The following ZNF592 variants were observed in gnomAD, a reference collection of about 807,000 sequenced individuals.
The protein encoded by ZNF592 is spinocerebellar ataxia, autosomal recessive 5.
Under a neutral mutation model 80.3 loss-of-function variants are expected in ZNF592, and 11 were observed. The ratio of observed to expected loss-of-function variants is 0.14; its 90% CI spans 0.09 to 0.23. The LOEUF (loss-of-function observed/expected upper bound fraction) is 0.23. Among genes scored for constraint, ZNF592 ranks in the 10% least tolerant of loss-of-function variants. The probability of loss-of-function intolerance (pLI) is 1.00; values close to 1 mark genes in which losing one functional copy is unlikely to be tolerated. For synonymous variants in ZNF592, 646 were observed against 640.3 expected (o/e 1.01, Z -0.13); for missense variants, 1,420 against 1,633.9 (o/e 0.87, Z 2.26).
At chr15:84,748,854 C>A (rs1438496578) in intron 1 of ZNF592, among the ~76,000 whole-genome samples, 190 bp downstream of exon 1, 6 of 147,586 alleles carry the variant, frequency 4.1e-5, no homozygotes, top group Non-Finnish European at 9.1e-5. Flanking sequence ...GGGCCCGGGC[C>A]GCCACCCCAC....
At chr15:84,797,788 A>T (rs1962959825) in intron 5 of ZNF592, 81 bp from the exon 6 acceptor site, 1 of 1,508,280 alleles carries the variant, frequency 6.6e-7, no homozygotes, top group Non-Finnish European at 9.2e-7. Context: ...CCTCTTCTCC[A>T]TCCCTCCTCT....
chr15:84,802,414 A>C lies in ZNF592; in HGVS notation c.*21A>C. 6.2e-7 allele frequency: 1 copy of C among 1,612,716 alleles called. No individual in the cohort carries two copies. Among genetic ancestry groups the C allele is most frequent in the East Asian group, 2.2e-5 (1 of 44,858 alleles). ...TGTGACCGGAGACTTTGCAGTGTGC[A>C]TGGTCAGGGGTGGTGCCGAAGTGTC... On this transcript the variant is annotated 3_prime_UTR_variant, in exon 11 of 11. Coordinates refer to ENST00000560079, the MANE Select transcript of ZNF592 (RefSeq NM_014630.3).
In ZNF592 at chr15:84,773,247, T is replaced by A. The variant is rs1472206054; in HGVS notation, c.-149-4936T>A. Among the ~76,000 whole-genome samples the A allele has an allele frequency of 2.0e-5, 3 of 148,494 alleles. No homozygotes were observed. The East Asian group carries it at 6.0e-4, about 30-fold the overall frequency. ...TTTTTTTTGAGACGGAGTCTCGCTC[T>A]GTCGGCCAGGCTGGAGTGCAGTGAT... On this transcript the variant is annotated intron_variant, in intron 2 of 10. Transcript: ENST00000560079.
intron 4 of ZNF592, among the ~76,000 whole-genome samples, chr15:84,789,904 C>T (rs1187734898): frequency 2.0e-5 from 3 of 152,188 alleles, no homozygotes; most frequent in Non-Finnish European, 2.9e-5. Context: ...AAGTCTTTTA[C>T]TTTTTCCCTC....
intron 5 of ZNF592, among the ~76,000 whole-genome samples, chr15:84,791,736 G>A (rs973107285): frequency 6.6e-6 from 1 of 152,188 alleles, no homozygotes; most frequent in Non-Finnish European, 1.5e-5. Context: ...AAATGGTCAG[G>A]AAAGCTTCCT....
In ZNF592 at chr15:84,798,514, A is replaced by G. The variant is rs768108362; in HGVS notation, c.2736+40A>G. Reference sequence around the variant, plus strand: ...GGGAGGAGGCCGGGGAGGAGGGCACATGCCTCAGGCTGGGGGTCTGACTCT... The same window carrying G: ...GGGAGGAGGCCGGGGAGGAGGGCACGTGCCTCAGGCTGGGGGTCTGACTCT... On this transcript the variant is annotated intron_variant, in intron 7 of 10. Transcript: ENST00000560079. This position sits in a 1 kb window ranked among gnomAD's most constrained non-coding sequence, Gnocchi z 4.5. 5 of 1,613,924 alleles carry G rather than the reference A, an allele frequency of 3.1e-6. No individual in the cohort carries two copies. The highest frequency in any genetic ancestry group is 1.6e-4 in the Middle Eastern group (1 of 6,062).
intron 1 of ZNF592, among the ~76,000 whole-genome samples, chr15:84,752,539 T>A (rs1426868766): frequency 6.6e-6 from 1 of 152,138 alleles, no homozygotes; most frequent in Admixed American, 6.5e-5. Context: ...ATCATAGGTA[T>A]GAAAGCATGG....
chr15:84,782,411 C>T (rs1405884545), intron 3 of ZNF592, among the ~76,000 whole-genome samples: 4 of 152,136 alleles, frequency 2.6e-5, no homozygotes, highest in Non-Finnish European at 5.9e-5. Context: ...TTTCCAGGTA[C>T]TGAGGTTTAA....
chr15:84,796,241 T>TAA (rs1395888188), intron 5 of ZNF592, among the ~76,000 whole-genome samples: 3 of 30,572 alleles, frequency 9.8e-5, no homozygotes, highest in African/African-American at 4.9e-4. Flanking sequence ...AAAAAAAAAA[T>TAA]ATATATATAT....
chr15:84,801,842 T>C (rs748478763), intron 10 of ZNF592, 21 bp from the exon 11 acceptor site: 68 of 1,613,832 alleles, frequency 4.2e-5, no homozygotes, highest in Non-Finnish European at 5.3e-5. Flanking sequence ...TGGACTTTGC[T>C]CATGCTGTCT....
chr15:84,775,944 A>G (rs186359887), intron 2 of ZNF592, among the ~76,000 whole-genome samples: 1 of 152,368 alleles, frequency 6.6e-6, no homozygotes, highest in Admixed American at 6.5e-5. Context: ...CCTAGGTAGA[A>G]ACTTATTCTG....
chr15:84,787,609 G>A (rs1962628401), intron 4 of ZNF592, among the ~76,000 whole-genome samples: 1 of 152,184 alleles, frequency 6.6e-6, no homozygotes, highest in Admixed American at 6.5e-5. Flanking sequence ...GCCTCCCTCT[G>A]CAGTGACCCA....
intron 2 of ZNF592, among the ~76,000 whole-genome samples, chr15:84,775,957 A>G (rs1435869893): frequency 6.6e-6 from 1 of 152,230 alleles, no homozygotes; most frequent in Non-Finnish European, 1.5e-5. Flanking sequence ...TTATTCTGAG[A>G]GAGGGTATAG....
chr15:84,757,606 G>A lies in ZNF592; in HGVS notation c.-258-7101G>A, dbSNP rs565681409. Among the ~76,000 whole-genome samples, 25 of 151,784 alleles carry A rather than the reference G, an allele frequency of 1.6e-4. No individual in the cohort carries two copies. The East Asian group carries it at 3.5e-3, about 21-fold the overall frequency. On this transcript the variant is annotated intron_variant, in intron 1 of 10. Coordinates refer to ENST00000560079, the MANE Select transcript of ZNF592 (RefSeq NM_014630.3). ...TGGCTTGAAGCGATCCTTCCACCTC[G>A]GCCTCCCAAAATGTGGGATTACAGG...
chr15:84,799,728 CT>C lies in ZNF592; in HGVS notation c.3138-113del, dbSNP rs1050059675. The C allele has an allele frequency of 9.1e-6, 14 of 1,538,810 alleles. No individual in the cohort carries two copies. The African/African-American group carries it at 1.9e-4, about 21-fold the overall frequency. ...CTGGATCTCTCTGGGGTTCCCAGCA[CT>C]AGCCAGCCCAGGAGTCTGCTCCAGA... On this transcript the variant is annotated intron_variant, in intron 9 of 10. Coordinates refer to ENST00000560079, the MANE Select transcript of ZNF592 (RefSeq NM_014630.3). This position sits in a 1 kb window ranked among gnomAD's most constrained non-coding sequence, Gnocchi z 4.2.
In ZNF592 at chr15:84,804,373, C is replaced by T. The variant is rs185773548; in HGVS notation, c.*1980C>T. On this transcript the variant is annotated 3_prime_UTR_variant, in exon 11 of 11. Coordinates refer to ENST00000560079, the MANE Select transcript of ZNF592 (RefSeq NM_014630.3). Reference sequence around the variant, plus strand: ...GGCTGGATCCCTTCCTGCTCAGACACAGTGGTAGCTGGAGAGCAGGCAGAG... The same window carrying T: ...GGCTGGATCCCTTCCTGCTCAGACATAGTGGTAGCTGGAGAGCAGGCAGAG... 1 of 152,392 alleles carries T rather than the reference C, an allele frequency of 6.6e-6. No individual in the cohort carries two copies. Among genetic ancestry groups the T allele is most frequent in the African/African-American group, 2.4e-5 (1 of 41,584 alleles). The allele number at this position is 152,392 out of a possible 1,614,324, so 9.4% of individuals were successfully genotyped here.
chr15:84,772,301 A>T (rs1026383123), intron 2 of ZNF592, among the ~76,000 whole-genome samples: 1 of 152,146 alleles, frequency 6.6e-6, no homozygotes, highest in African/African-American at 2.4e-5. Flanking sequence ...TGGGAGCAGC[A>T]GCTTACTCTT....
intron 1 of ZNF592, among the ~76,000 whole-genome samples, chr15:84,758,133 C>T (rs548196208): frequency 4.0e-5 from 6 of 150,314 alleles, no homozygotes; most frequent in Admixed American, 6.6e-5. Context: ...CCACCACACC[C>T]GGCTAATTTT....
In ZNF592 at chr15:84,759,445, C is replaced by T. The variant is rs370325656; in HGVS notation, c.-258-5262C>T. On this transcript the variant is annotated intron_variant, in intron 1 of 10. Transcript: ENST00000560079. ...TTTCATTACTTGTCTCCCCTTGACG[C>T]TGCTTCCTAAGTGCTGTGCCCTTTA... Among the ~76,000 whole-genome samples, 298 of 152,274 alleles carry T rather than the reference C, an allele frequency of 2.0e-3. 3 individuals carry two copies. Among genetic ancestry groups the T allele is most frequent in the African/African-American group, 6.7e-3 (279 of 41,556 alleles).
Sources: gnomAD v4.1 joint callset for allele counts (sites outside exome capture counted in the v4.1 genomes callset) on GRCh38, gnomAD v4.1.1 for gene constraint, Gnocchi (gnomAD v3.1) non-coding constraint, MANE v1.5 for transcripts, NCBI Gene and HGNC (gene_info 2026-07-23, HGNC 2026-07-21) for gene names.